FHAD1: variants seen among roughly 807,000 people sequenced by gnomAD.
The protein encoded by FHAD1 is forkhead-associated domain-containing protein 1.
Under a neutral mutation model 191.3 loss-of-function variants are expected in FHAD1, and 146 were observed. The ratio of observed to expected loss-of-function variants is 0.76; its 90% CI spans 0.67 to 0.88. The LOEUF is 0.88. Ranked by LOEUF, FHAD1 falls within the 40% of genes least tolerant of loss-of-function variation. The probability of loss-of-function intolerance (pLI) is 0.00; values close to 1 mark genes in which losing one functional copy is unlikely to be tolerated. For missense variants in FHAD1, 1,635 were observed against 1,785.8 expected, an observed-to-expected ratio of 0.92 and a Z score of 1.52; for synonymous variants, 616 against 672.3, an observed-to-expected ratio of 0.92 and a Z score of 1.29.
chr1:15,341,809 A>C lies in FHAD1; in HGVS notation c.2051A>C (p.Lys684Thr). ...AAGCTGCGGGAGCATCTGGCAGAGAAGGAGAAGCTGAACGAGGAGAGGCTA... is the reference window on the plus strand; with the variant it reads ...AAGCTGCGGGAGCATCTGGCAGAGACGGAGAAGCTGAACGAGGAGAGGCTA... ...QEKLREHLAE[K>T]EKLNEERLEQ... Residue 684 changes from lysine to threonine, a missense_variant, in exon 16 of 34, where the codon AAG becomes ACG. Lys to Thr is a moderately conservative substitution (Grantham distance 78). Coordinates refer to ENST00000688493, the MANE Select transcript of FHAD1 (RefSeq NM_001391957.1). 1 of 1,551,874 alleles carries C rather than the reference A, an allele frequency of 6.4e-7. No homozygotes were observed. The highest frequency in any genetic ancestry group is 8.7e-7 in the Non-Finnish European group (1 of 1,146,958).
At chr1:15,394,924 CGAGA>C (rs1272060739) in intron 33 of FHAD1, among the ~76,000 whole-genome samples, 1 of 152,056 alleles carries the variant, frequency 6.6e-6, no homozygotes, top group Non-Finnish European at 1.5e-5. Flanking sequence ...GAATTGTTTG[CGAGA>C]GAGATCTTGG....
intron 6 of FHAD1, among the ~76,000 whole-genome samples, chr1:15,302,139 T>C (rs1176865589): frequency 6.6e-6 from 1 of 152,198 alleles, no homozygotes; most frequent in Non-Finnish European, 1.5e-5. Context: ...GCAGACCCCA[T>C]GTTCTCACCT....
At position 15,388,084 on chromosome 1, in the gene FHAD1, A is replaced by G; in HGVS notation, c.4222A>G (p.Lys1408Glu). 1 of 1,289,902 alleles carries G rather than the reference A, an allele frequency of 7.8e-7. No homozygotes were observed. Among genetic ancestry groups the G allele is most frequent in the Non-Finnish European group, 1.0e-6 (1 of 988,878 alleles). 79.9% of individuals were successfully genotyped at this position (1,289,902 alleles called of 1,614,324 possible). A position where few individuals can be genotyped will look rare whatever the true frequency, so the allele number is the denominator to read the frequency against. ...AGAGGAGCACGAACTGAGAAACGCA[A>G]AAGAATCGACACCTTGCAACTGTGC... ...SVEEHELRNA[K>E]ESTPCNCAFK... Residue 1408 changes from lysine to glutamate, a missense_variant, in exon 32 of 34, where the codon AAA becomes GAA. Transcript: ENST00000688493.
At chr1:15,369,845 G>A (rs1369704913) in intron 26 of FHAD1, among the ~76,000 whole-genome samples, 1 of 152,178 alleles carries the variant, frequency 6.6e-6, no homozygotes, top group Non-Finnish European at 1.5e-5. Context: ...CCTTGGGGAG[G>A]TCACTGTACA....
chr1:15,326,899 G>A (rs1412467333), intron 11 of FHAD1, 160 bp from the exon 12 acceptor site: 3 of 585,376 alleles, frequency 5.1e-6, no homozygotes, highest in South Asian at 2.2e-5. Context: ...TGTGGGTCCC[G>A]CCACTCCCCG....
At chr1:15,243,527 G>C (rs1316555877), upstream of FHAD1, among the ~76,000 whole-genome samples, 1 of 152,222 alleles carries the variant, frequency 6.6e-6, no homozygotes, top group Non-Finnish European at 1.5e-5. Flanking sequence ...GAATGCAAGG[G>C]CAGCAGGAGA....
chr1:15,370,994 T>C (rs996707160), intron 26 of FHAD1, among the ~76,000 whole-genome samples: 8 of 152,184 alleles, frequency 5.3e-5, no homozygotes, highest in African/African-American at 1.9e-4. Context: ...CAGCCAGCTG[T>C]CCTTGGCATC....
At chr1:15,395,454 T>C (rs898124940) in intron 33 of FHAD1, among the ~76,000 whole-genome samples, 5 of 152,132 alleles carry the variant, frequency 3.3e-5, no homozygotes, top group African/African-American at 1.2e-4. Flanking sequence ...CTCTCTCCAG[T>C]GGTATGACAA....
chr1:15,305,377 C>A (rs76994578), intron 6 of FHAD1, among the ~76,000 whole-genome samples: 1 of 152,190 alleles, frequency 6.6e-6, no homozygotes, highest in Non-Finnish European at 1.5e-5. Context: ...CCATGCTCCA[C>A]GGCCTCAGGC....
chr1:15,389,972 A>C (rs1429200061), intron 32 of FHAD1, among the ~76,000 whole-genome samples: 1 of 152,230 alleles, frequency 6.6e-6, no homozygotes, highest in East Asian at 1.9e-4. Flanking sequence ...AGCACCAGCT[A>C]GATGCCAGGC....
chr1:15,333,219 G>T (rs1682461013), intron 14 of FHAD1, among the ~76,000 whole-genome samples: 2 of 151,988 alleles, frequency 1.3e-5, no homozygotes, highest in African/African-American at 4.8e-5. Flanking sequence ...GCGCCCAAAA[G>T]ACTAAAAGAA....
chr1:15,308,837 C>T (rs1006579716), intron 7 of FHAD1, 101 bp downstream of exon 7: 10 of 1,502,118 alleles, frequency 6.7e-6, no homozygotes, highest in Non-Finnish European at 8.1e-6. Context: ...TGTTACTGAA[C>T]TTGGCTGCAG....
chr1:15,268,169 C>T (rs1023437666), intron 2 of FHAD1, among the ~76,000 whole-genome samples: 1 of 134,828 alleles, frequency 7.4e-6, no homozygotes, highest in Non-Finnish European at 1.5e-5. Flanking sequence ...CAACAGTCCC[C>T]AGAGTGTGAT....
chr1:15,337,228 C>T (rs1366101278), intron 14 of FHAD1, among the ~76,000 whole-genome samples: 2 of 152,202 alleles, frequency 1.3e-5, no homozygotes, highest in Admixed American at 1.3e-4. Flanking sequence ...TCTGCTGACC[C>T]TCCCTCCCCA....
chr1:15,324,627 G>A (rs530268354), intron 11 of FHAD1, 68 bp downstream of exon 11: 3 of 1,169,702 alleles, frequency 2.6e-6, no homozygotes, highest in South Asian at 2.6e-5. Context: ...GCAGCCAGTG[G>A]GGGTGAGAGA....
At chr1:15,362,944 G>A (rs1302463402) in intron 23 of FHAD1, among the ~76,000 whole-genome samples, 2 of 152,214 alleles carry the variant, frequency 1.3e-5, no homozygotes, top group East Asian at 3.8e-4. Flanking sequence ...CCTTCCCAGT[G>A]CTGCTTCCAC....
chr1:15,345,568 G>A, intron 18 of FHAD1, 45 bp downstream of exon 18: 1 of 1,451,564 alleles, frequency 6.9e-7, no homozygotes, highest in Non-Finnish European at 9.5e-7. Flanking sequence ...GTCGGCTTGA[G>A]GGCCATGTGG....
chr1:15,299,199 C>CA (rs35299485), intron 5 of FHAD1, among the ~76,000 whole-genome samples: 6,892 of 45,260 alleles, frequency 0.15, 426 homozygotes, highest in Non-Finnish European at 0.22. Context: ...GACCCTGTCT[C>CA]AAAAAAAAAA....
intron 15 of FHAD1, among the ~76,000 whole-genome samples, chr1:15,341,499 T>G (rs1159936305): frequency 1.3e-5 from 2 of 152,224 alleles, no homozygotes; most frequent in Non-Finnish European, 2.9e-5. Flanking sequence ...AGATCAATAC[T>G]GTTATTAACT....
Sources: gnomAD v4.1 joint callset for allele counts (sites outside exome capture counted in the v4.1 genomes callset) on GRCh38, gnomAD v4.1.1 for gene constraint, MANE v1.5 for transcripts, NCBI Gene and HGNC (gene_info 2026-07-23, HGNC 2026-07-21) for gene names.